The following ARSG variants were observed in gnomAD, a reference collection of about 807,000 sequenced individuals.
ARSG encodes ASG.
ARSG carries 37 observed loss-of-function variants against 50.5 expected under a neutral mutation model. That is an observed-to-expected ratio of 0.73 (90% CI 0.56 to 0.96). ARSG has a LOEUF of 0.96. Ranked by LOEUF, ARSG falls within the 50% of genes least tolerant of loss-of-function variation. The pLI, the probability that ARSG is intolerant of heterozygous loss-of-function variation, is 0.00. For missense variants in ARSG, 629 were observed against 675.3 expected, an observed-to-expected ratio of 0.93 and a Z score of 0.76; for synonymous variants, 225 against 254.6, an observed-to-expected ratio of 0.88 and a Z score of 1.11.
intron 2 of ARSG, among the ~76,000 whole-genome samples, chr17:68,311,189 C>T (rs898341747): frequency 1.3e-5 from 2 of 152,196 alleles, no homozygotes; most frequent in Non-Finnish European, 2.9e-5. Context: ...AAACCCCAAA[C>T]TGATTTCTTC....
downstream of ARSG, chr17:68,420,976 C>G (rs1220913946): frequency 1.3e-5 from 2 of 156,240 alleles, no homozygotes; most frequent in Non-Finnish European, 2.8e-5. Context: ...ACTCACTGGT[C>G]TCCATCTTTA....
At position 68,401,448 on chromosome 17, in the gene ARSG, C is replaced by T; in HGVS notation, c.1301C>T (p.Thr434Ile). Residue 434 changes from threonine (T) to isoleucine (I), a missense_variant and splice_region_variant, in exon 11 of 12, where the codon ACC (threonine) becomes ATC (isoleucine). Coordinates refer to ENST00000621439, the MANE Select transcript of ARSG (RefSeq NM_001267727.2). Reference protein sequence around the residue: ...RLERYKAFYITGGARACDGST... With the variant: ...RLERYKAFYIIGGARACDGST... ...GAGCGTTACAAGGCCTTCTACATTA[C>T]CGGTGAGTGAGGGGCCACTTAGCCC... The T allele has an allele frequency of 6.2e-7, 1 of 1,613,702 alleles. No homozygotes were observed.
chr17:68,322,745 C>T (rs2145872644), intron 2 of ARSG, among the ~76,000 whole-genome samples: 1 of 152,270 alleles, frequency 6.6e-6, no homozygotes, highest in East Asian at 1.9e-4. Context: ...GCAGGGATAA[C>T]ATTCAGGCAG....
At chr17:68,282,635 C>CA (rs2075728434) in intron 1 of ARSG, among the ~76,000 whole-genome samples, 2 of 151,316 alleles carry the variant, frequency 1.3e-5, no homozygotes, top group Admixed American at 6.6e-5. Context: ...GCTGTCTCTA[C>CA]AAAAAAGTAT....
At position 68,385,271 on chromosome 17, in the gene ARSG, C is replaced by A; in HGVS notation, c.1091+99C>A. On this transcript the variant is annotated intron_variant, in intron 9 of 11. Transcript: ENST00000621439. ...GGAGGCATGGGTGGCTAGATGGAGG[C>A]ATGGGTGGCTAGAGGCCTCAGGAAG... The A allele has an allele frequency of 3.8e-6, 4 of 1,040,562 alleles. No homozygotes were observed. The South Asian group carries it at 4.1e-5, about 11-fold the overall frequency. The allele number at this position is 1,040,562 out of a possible 1,614,324, so 64.5% of individuals were successfully genotyped here.
the ARSG span, chr17:68,434,507 G>C: frequency 1.8e-5 from 29 of 1,602,440 alleles, no homozygotes; most frequent in Non-Finnish European, 2.5e-5. Flanking sequence ...AGCGGTCCCT[G>C]CGGGACTTCT....
At chr17:68,412,625 C>T (rs2082075251) in intron 11 of ARSG, among the ~76,000 whole-genome samples, 1 of 152,138 alleles carries the variant, frequency 6.6e-6, no homozygotes, top group African/African-American at 2.4e-5. Context: ...TGAGGAATAT[C>T]TTTGTGGCGT....
chr17:68,313,799 C>T (rs900346584), intron 2 of ARSG, among the ~76,000 whole-genome samples: 25 of 151,774 alleles, frequency 1.6e-4, no homozygotes, highest in African/African-American at 5.6e-4. Context: ...CTGCCTCGGC[C>T]TTCTGAGTAG....
intron 1 of ARSG, chr17:68,274,111 C>A (rs1555750146): frequency 1.3e-6 from 2 of 1,597,702 alleles, no homozygotes; most frequent in South Asian, 2.2e-5. Flanking sequence ...CTCACAGAGG[C>A]TTCAGGGTTA....
chr17:68,278,885 G>A (rs782323439), intron 1 of ARSG, among the ~76,000 whole-genome samples: 4 of 152,132 alleles, frequency 2.6e-5, no homozygotes, highest in Admixed American at 1.3e-4. Flanking sequence ...CTCCCAAAAT[G>A]CTGGGATTAT....
At chr17:68,426,063 C>G (rs771974997), downstream of ARSG, 6 of 1,612,024 alleles carry the variant, frequency 3.7e-6, no homozygotes, top group African/African-American at 6.7e-5. Context: ...GTTACGGGTT[C>G]CTAATGCTCA....
the ARSG span, chr17:68,435,534 C>T: frequency 4.5e-6 from 6 of 1,321,468 alleles, no homozygotes; most frequent in Non-Finnish European, 6.5e-6. Context: ...GTCTTCATGT[C>T]ACCAGGTTTG....
chr17:68,334,134 C>T (rs952561354), intron 2 of ARSG, among the ~76,000 whole-genome samples: 1 of 152,162 alleles, frequency 6.6e-6, no homozygotes, highest in South Asian at 2.1e-4. Context: ...ACCTTCCCTT[C>T]CCTCATTCTG....
At chr17:68,425,127 G>C (rs920268040), downstream of ARSG, among the ~76,000 whole-genome samples, 6 of 152,230 alleles carry the variant, frequency 3.9e-5, no homozygotes, top group South Asian at 1.2e-3. Flanking sequence ...AGGCTGAGCA[G>C]GTTGCTGGGA....
upstream of ARSG, among the ~76,000 whole-genome samples, chr17:68,290,929 G>A (rs1045487241): frequency 6.6e-6 from 1 of 152,024 alleles, no homozygotes; most frequent in Non-Finnish European, 1.5e-5. Flanking sequence ...AACTGTCAGA[G>A]CGAATATTTT....
At chr17:68,379,212 C>T (rs1296596665) in intron 8 of ARSG, among the ~76,000 whole-genome samples, 1 of 152,074 alleles carries the variant, frequency 6.6e-6, no homozygotes, top group Non-Finnish European at 1.5e-5. Context: ...GGCAAGGGGA[C>T]ATACTACACT....
At chr17:68,273,116 A>T (rs1200160202) in intron 1 of ARSG, among the ~76,000 whole-genome samples, 1 of 152,198 alleles carries the variant, frequency 6.6e-6, no homozygotes. Context: ...TATGTGCAGA[A>T]ATACAGGAAA....
the ARSG span, chr17:68,433,368 T>G: frequency 9.1e-7 from 1 of 1,104,498 alleles, no homozygotes; most frequent in Non-Finnish European, 1.4e-6. Context: ...GAAGCCAAGA[T>G]TGGGTGTTCA....
At chr17:68,304,174 A>G (rs1290399813) in intron 1 of ARSG, among the ~76,000 whole-genome samples, 1 of 152,260 alleles carries the variant, frequency 6.6e-6, no homozygotes, top group African/African-American at 2.4e-5. Context: ...AGAAGCTTTA[A>G]GAGGAAAAGT....
Sources: gnomAD v4.1 joint callset for allele counts (sites outside exome capture counted in the v4.1 genomes callset) on GRCh38, gnomAD v4.1.1 for gene constraint, MANE v1.5 for transcripts, NCBI Gene and HGNC (gene_info 2026-07-23, HGNC 2026-07-21) for gene names.